Variants in ABCC4 observed in about 807,000 individuals in gnomAD.
ABCC4 encodes the protein ATP-binding cassette sub-family C member 4.
ABCC4 carries 102 observed loss-of-function variants against 168.5 expected under a neutral mutation model. The observed-to-expected ratio is 0.61, with a 90% CI of 0.52 to 0.71. The LOEUF is 0.71. Among genes scored for constraint, ABCC4 ranks in the 30% least tolerant of loss-of-function variants. The pLI is 0.00. For synonymous variants in ABCC4, 617 were observed against 590.7 expected (o/e 1.04, Z -0.65); for missense variants, 1,402 against 1,605.8 (o/e 0.87, Z 2.17).
intron 25 of ABCC4, among the ~76,000 whole-genome samples, chr13:95,069,074 T>C (rs970972685): frequency 6.6e-6 from 1 of 152,270 alleles, no homozygotes; most frequent in Non-Finnish European, 1.5e-5. Flanking sequence ...TTATTTTTCA[T>C]GGCACAAGGG....
At chr13:95,154,767 T>C (rs2036803172) in intron 19 of ABCC4, among the ~76,000 whole-genome samples, 1 of 152,254 alleles carries the variant, frequency 6.6e-6, no homozygotes, top group South Asian at 2.1e-4. Flanking sequence ...CAGAGCCATC[T>C]TACCCCCTAG....
At chr13:95,106,794 G>A (rs1451511643) in intron 20 of ABCC4, among the ~76,000 whole-genome samples, 1 of 152,174 alleles carries the variant, frequency 6.6e-6, no homozygotes, top group Non-Finnish European at 1.5e-5. Context: ...ACAAAAGAAA[G>A]ATGGTACTGG....
At chr13:95,023,210 T>C (rs1012446937) in intron 30 of ABCC4, among the ~76,000 whole-genome samples, 4 of 152,182 alleles carry the variant, frequency 2.6e-5, no homozygotes, top group African/African-American at 9.7e-5. Flanking sequence ...ACCCTCTTGA[T>C]GTATTTTTTT....
chr13:95,025,340 A>T (rs1593957860), intron 30 of ABCC4, among the ~76,000 whole-genome samples: 1 of 11,824 alleles, frequency 8.5e-5, no homozygotes, highest in South Asian at 4.2e-3. Flanking sequence ...ACACACCCAT[A>T]CACACACCCA....
intron 23 of ABCC4, among the ~76,000 whole-genome samples, chr13:95,073,718 T>C (rs2033807596): frequency 6.6e-6 from 1 of 152,166 alleles, no homozygotes; most frequent in African/African-American, 2.4e-5. Context: ...AAAATACTAC[T>C]CTCCTTGTTC....
At chr13:95,045,615 T>TA (rs1340483624) in intron 27 of ABCC4, among the ~76,000 whole-genome samples, 1 of 152,186 alleles carries the variant, frequency 6.6e-6, no homozygotes, top group Non-Finnish European at 1.5e-5. Flanking sequence ...AAATTGTAGC[T>TA]ATAAGATGAT....
chr13:95,254,360 T>G (rs1186230889), intron 1 of ABCC4, among the ~76,000 whole-genome samples: 1 of 151,892 alleles, frequency 6.6e-6, no homozygotes, highest in Non-Finnish European at 1.5e-5. Context: ...GTCATAATTT[T>G]GCTTAAAAAA....
intron 19 of ABCC4, among the ~76,000 whole-genome samples, chr13:95,120,568 A>AAAAC (rs2035534676): frequency 2.0e-4 from 2 of 10,174 alleles, no homozygotes; most frequent in African/African-American, 2.4e-4. Flanking sequence ...AGACTCCGTC[A>AAAAC]AAAAAAAAAA....
At chr13:95,138,658 T>TA (rs371922697) in intron 19 of ABCC4, among the ~76,000 whole-genome samples, 9 of 148,784 alleles carry the variant, frequency 6.0e-5, no homozygotes, top group South Asian at 2.1e-4. Flanking sequence ...ATCCTGATTC[T>TA]AAAAAAAAAA....
intron 19 of ABCC4, among the ~76,000 whole-genome samples, chr13:95,133,116 TTTTTTTTTTTTTTTG>T (rs1326651305): frequency 2.7e-5 from 4 of 146,240 alleles, no homozygotes; most frequent in Non-Finnish European, 6.0e-5. Flanking sequence ...AACTTTTTTT[TTTTTTTTTTTTTTTG>T]GAGACAGAAT....
At chr13:95,072,670 C>T (rs2033772402) in intron 24 of ABCC4, among the ~76,000 whole-genome samples, 1 of 152,196 alleles carries the variant, frequency 6.6e-6, no homozygotes, top group African/African-American at 2.4e-5. Flanking sequence ...TCCTATACCA[C>T]CATAAACTAA....
intron 10 of ABCC4, among the ~76,000 whole-genome samples, chr13:95,187,164 A>T (rs1184759102): frequency 6.6e-6 from 1 of 152,236 alleles, no homozygotes; most frequent in African/African-American, 2.4e-5. Context: ...GAAATGGTAC[A>T]CGGAACAAAG....
intron 1 of ABCC4, among the ~76,000 whole-genome samples, chr13:95,265,903 G>A (rs932570363): frequency 6.6e-6 from 1 of 152,076 alleles, no homozygotes; most frequent in African/African-American, 2.4e-5. Context: ...AAAATGGGGG[G>A]AAATAAGGGG....
intron 8 of ABCC4, among the ~76,000 whole-genome samples, chr13:95,202,147 T>C (rs932892130): frequency 1.3e-5 from 2 of 152,164 alleles, no homozygotes; most frequent in Non-Finnish European, 2.9e-5. Context: ...GCTCATCCAA[T>C]CAGTTGAAGG....
chr13:95,164,534 G>A lies in ABCC4; in HGVS notation c.2035-16C>T, dbSNP rs1013567440. 6.2e-7 allele frequency: 1 copy of A among 1,613,604 alleles called. No individual in the cohort carries two copies. The highest frequency in any genetic ancestry group is 1.3e-5 in the African/African-American group (1 of 74,886). On this transcript the variant is annotated splice_polypyrimidine_tract_variant and intron_variant, in intron 15 of 30. Coordinates refer to ENST00000645237, the MANE Select transcript of ABCC4 (RefSeq NM_005845.5). Reference sequence around the variant, plus strand: ...CATTCTCTGTCTGCAGAGGAAAAAAGGTGGTAAGAGACAAAACAGTATACA... The same window carrying A: ...CATTCTCTGTCTGCAGAGGAAAAAAAGTGGTAAGAGACAAAACAGTATACA...
At chr13:95,026,336 T>C (rs2031542987) in intron 30 of ABCC4, among the ~76,000 whole-genome samples, 1 of 145,420 alleles carries the variant, frequency 6.9e-6, no homozygotes, top group South Asian at 2.3e-4. Flanking sequence ...AGACACAGGA[T>C]AGGATTGAGC....
intron 19 of ABCC4, among the ~76,000 whole-genome samples, chr13:95,151,232 A>T (rs1208442429): frequency 6.6e-6 from 1 of 152,084 alleles, no homozygotes; most frequent in Non-Finnish European, 1.5e-5. Flanking sequence ...CTGTCCCAGC[A>T]CTTTGGGAGG....
chr13:95,110,670 G>C (rs1490435526), intron 20 of ABCC4, among the ~76,000 whole-genome samples: 1 of 152,084 alleles, frequency 6.6e-6, no homozygotes, highest in African/African-American at 2.4e-5. Context: ...ATATTAGGAA[G>C]TAATCAAGCA....
rs372186549 is a variant in ABCC4 at position 95,106,543 on chromosome 13, A to C, written c.2535+9379T>G. ...AAGAAGAGCAAGCAGAAGGGAAAAA[A>C]AAATAAAAAAAAGAAAAAGGGAGGG... On this transcript the variant is annotated intron_variant, in intron 20 of 30. Transcript: ENST00000645237. Among the ~76,000 whole-genome samples the C allele has an allele frequency of 4.0e-5, 6 of 151,864 alleles. No individual in the cohort carries two copies. In the East Asian group the frequency reaches 9.8e-4, roughly 25 times the overall value.
Sources: allele counts gnomAD v4.1 joint callset (sites outside exome capture counted in the v4.1 genomes callset), GRCh38; gene constraint gnomAD v4.1.1; transcripts MANE v1.5; gene names NCBI Gene and HGNC (gene_info 2026-07-23, HGNC 2026-07-21).